AP2B1: variants seen among roughly 807,000 people sequenced by gnomAD.
AP2B1 encodes adaptor related protein complex 2 subunit beta 1.
In AP2B1, 23 loss-of-function variants were observed where a neutral mutation model predicts 102.0. The ratio of observed to expected loss-of-function variants is 0.23; its 90% CI spans 0.16 to 0.32. The LOEUF is 0.32. AP2B1 is among the 10% of genes least tolerant of loss of function. AP2B1 has a pLI of 1.00. For missense variants in AP2B1, 541 were observed against 1,157.4 expected, an observed-to-expected ratio of 0.47 and a Z score of 7.73; for synonymous variants, 381 against 421.2, an observed-to-expected ratio of 0.90 and a Z score of 1.17.
chr17:35,590,362 A>G (rs1457469056), intron 1 of AP2B1, among the ~76,000 whole-genome samples: 2 of 152,184 alleles, frequency 1.3e-5, no homozygotes, highest in Non-Finnish European at 2.9e-5. Context: ...TCATATATAT[A>G]TGTGATTTTT....
chr17:35,674,624 G>A (rs528609653), intron 17 of AP2B1, among the ~76,000 whole-genome samples: 1 of 152,310 alleles, frequency 6.6e-6, no homozygotes, highest in African/African-American at 2.4e-5. Flanking sequence ...CAAATCCCTT[G>A]AACCTGGGAG....
At position 35,622,264 on chromosome 17, in the gene AP2B1, A is replaced by G. The variant is rs1191720180; in HGVS notation, c.526-2133A>G. Among the ~76,000 whole-genome samples, 5 of 152,258 alleles carry G rather than the reference A, an allele frequency of 3.3e-5. No individual in the cohort carries two copies. In the South Asian group the frequency reaches 6.2e-4, roughly 19 times the overall value. On this transcript the variant is annotated intron_variant, in intron 5 of 21. Coordinates refer to ENST00000610402, the MANE Select transcript of AP2B1 (RefSeq NM_001030006.2). Reference sequence around the variant, plus strand: ...ACCATATTTACCAAGTGAGTCTCTGATTTTTCATCTTAGCATCTTTGTTCT... The same window carrying G: ...ACCATATTTACCAAGTGAGTCTCTGGTTTTTCATCTTAGCATCTTTGTTCT...
intron 5 of AP2B1, among the ~76,000 whole-genome samples, 161 bp from the exon 6 acceptor site, chr17:35,624,236 T>G (rs1220615468): frequency 6.6e-6 from 1 of 152,202 alleles, no homozygotes; most frequent in Non-Finnish European, 1.5e-5. Context: ...TGGTTTAATA[T>G]ATGTTTTGAA....
chr17:35,644,535 G>A (rs932097553), intron 12 of AP2B1, among the ~76,000 whole-genome samples: 9 of 150,346 alleles, frequency 6.0e-5, no homozygotes, highest in Non-Finnish European at 8.9e-5. Flanking sequence ...ATGCCACCAC[G>A]CCCAGCTAAT....
At position 35,699,895 on chromosome 17, in the gene AP2B1, G is replaced by A. The variant is rs188806718; in HGVS notation, c.2455-9329G>A. 7.9e-5 allele frequency among the ~76,000 whole-genome samples: 12 copies of A among 152,148 alleles called. No individual in the cohort carries two copies. In the East Asian group the frequency reaches 2.1e-3, roughly 27 times the overall value. ...TAGCCTGGGCAACATAGTAAGACTA[G>A]TATGTCTAGTCTATTCCAGTATGTA... On this transcript the variant is annotated intron_variant, in intron 18 of 21. Transcript: ENST00000610402.
intron 9 of AP2B1, among the ~76,000 whole-genome samples, chr17:35,632,802 C>T (rs140927772): frequency 1.7e-3 from 265 of 151,822 alleles, no homozygotes; most frequent in African/African-American, 6.1e-3. Context: ...GATAATACTA[C>T]GGATTTACTA....
chr17:35,707,426 C>T (rs587729177), intron 18 of AP2B1, among the ~76,000 whole-genome samples: 119 of 150,060 alleles, frequency 7.9e-4, no homozygotes, highest in African/African-American at 2.6e-3. Context: ...GCTGGGATTA[C>T]AGGCGTGAGC....
intron 20 of AP2B1, among the ~76,000 whole-genome samples, chr17:35,711,499 C>T (rs373642964): frequency 4.0e-5 from 6 of 150,414 alleles, no homozygotes; most frequent in African/African-American, 1.2e-4. Context: ...GATGGAGTCT[C>T]GCTCCATTGC....
intron 18 of AP2B1, among the ~76,000 whole-genome samples, chr17:35,700,475 T>TC (rs2076220143): frequency 6.6e-6 from 1 of 151,922 alleles, no homozygotes; most frequent in Non-Finnish European, 1.5e-5. Flanking sequence ...TGTGGAAAGG[T>TC]CACAAGTGAC....
intron 18 of AP2B1, among the ~76,000 whole-genome samples, chr17:35,706,158 AT>A (rs2076336728): frequency 6.6e-6 from 1 of 152,156 alleles, no homozygotes. Context: ...CTATGGCAAA[AT>A]GTTGTGTGTA....
At chr17:35,610,767 C>T (rs1192718988) in intron 5 of AP2B1, among the ~76,000 whole-genome samples, 2 of 151,810 alleles carry the variant, frequency 1.3e-5, no homozygotes, top group Admixed American at 6.6e-5. Context: ...ATTAGCCGGG[C>T]GTGGTGGCAG....
At chr17:35,634,089 G>C (rs2074539007) in intron 9 of AP2B1, among the ~76,000 whole-genome samples, 1 of 152,240 alleles carries the variant, frequency 6.6e-6, no homozygotes, top group South Asian at 2.1e-4. Flanking sequence ...AAAGGTTGCA[G>C]TGAGCCAAGA....
At chr17:35,598,599 T>A (rs969594671) in intron 3 of AP2B1, among the ~76,000 whole-genome samples, 3 of 152,184 alleles carry the variant, frequency 2.0e-5, no homozygotes, top group African/African-American at 7.2e-5. Context: ...GCATAACACC[T>A]CCTGAGAGCT....
intron 14 of AP2B1, among the ~76,000 whole-genome samples, chr17:35,659,521 ATTGTATCAAAGGGAAAAG>A (rs2075311269): frequency 6.6e-6 from 1 of 152,166 alleles, no homozygotes; most frequent in South Asian, 2.1e-4. Flanking sequence ...TCCTGCAAGT[ATTGTATCAAAGGGAAAAG>A]CTGTTAGAAC....
chr17:35,709,310 T>C lies in AP2B1; in HGVS notation c.2539+2T>C. The C allele has an allele frequency of 6.2e-7, 1 of 1,612,188 alleles. No individual in the cohort carries two copies. ...TTTTTGTAGAAGATGGCAAAATGGG[T>C]AAGTACCTTCCTGCCTGTCCTGCTG... On this transcript the variant is annotated splice_donor_variant, in intron 19 of 21. Transcript: ENST00000610402. LOFTEE classifies it high-confidence loss of function.
At chr17:35,679,418 A>C (rs1165961678) in intron 17 of AP2B1, among the ~76,000 whole-genome samples, 1 of 147,232 alleles carries the variant, frequency 6.8e-6, no homozygotes, top group Non-Finnish European at 1.5e-5. Context: ...AGCCTTATTC[A>C]TATGCTGCTC....
intron 21 of AP2B1, among the ~76,000 whole-genome samples, chr17:35,720,499 G>A (rs913230473): frequency 2.2e-5 from 3 of 135,902 alleles, no homozygotes; most frequent in Non-Finnish European, 4.6e-5. Context: ...TGTCCTCGTG[G>A]TTTAGCCACA....
intron 12 of AP2B1, among the ~76,000 whole-genome samples, chr17:35,646,508 T>C (rs888047624): frequency 2.6e-5 from 4 of 152,154 alleles, no homozygotes; most frequent in Non-Finnish European, 4.4e-5. Flanking sequence ...CCAGTAACTC[T>C]ATCTCCAGTA....
chr17:35,605,678 C>T lies in AP2B1; in HGVS notation c.144-27C>T, dbSNP rs1241321478. ...TTGGCACCAACACCTGCTTACTTTCCTTTTCTCTTTTACCCTCTCTTCTCA... is the reference window on the plus strand; with the variant it reads ...TTGGCACCAACACCTGCTTACTTTCTTTTTCTCTTTTACCCTCTCTTCTCA... On this transcript the variant is annotated intron_variant, in intron 3 of 21. Coordinates refer to ENST00000610402, the MANE Select transcript of AP2B1 (RefSeq NM_001030006.2). 1.9e-6 allele frequency: 3 copies of T among 1,565,702 alleles called. No homozygotes were observed. In the African/African-American group the frequency reaches 4.1e-5, roughly 21 times the overall value.
Sources: allele counts gnomAD v4.1 joint callset (sites outside exome capture counted in the v4.1 genomes callset), GRCh38; gene constraint gnomAD v4.1.1; transcripts MANE v1.5; gene names NCBI Gene and HGNC (gene_info 2026-07-23, HGNC 2026-07-21).